The following GET1 variants were observed in gnomAD, a reference collection of about 807,000 sequenced individuals.
GET1 encodes the protein congenital heart disease 5 protein.
GET1 carries 20 observed loss-of-function variants against 22.6 expected under a neutral mutation model. The observed-to-expected ratio is 0.89, with a 90% CI of 0.62 to 1.29. The LOEUF (loss-of-function observed/expected upper bound fraction) is 1.29, where lower values mean the gene tolerates loss of function less well. Ranked by LOEUF, GET1 falls within the 50% of genes most tolerant of loss-of-function variation. GET1 has a pLI of 0.00. For synonymous variants in GET1, 92 were observed against 83.8 expected (o/e 1.10, Z -0.53); for missense variants, 209 against 219.9 (o/e 0.95, Z 0.31).
downstream of GET1, chr21:39,409,992 C>T: frequency 6.5e-7 from 1 of 1,541,340 alleles, no homozygotes; most frequent in Non-Finnish European, 8.9e-7. This position sits in a 1 kb window ranked among gnomAD's most constrained non-coding sequence, Gnocchi z 4.2. Context: ...CATATTTTCT[C>T]TTAGAATCCT....
intron 2 of GET1, chr21:39,391,559 T>A: frequency 2.0e-6 from 1 of 508,314 alleles, no homozygotes; most frequent in Non-Finnish European, 3.5e-6. Flanking sequence ...TATTCAAATC[T>A]CAATCTGAGT....
chr21:39,417,433 G>A (rs1055293589), intron 1 of GET1, among the ~76,000 whole-genome samples: 2 of 152,170 alleles, frequency 1.3e-5, no homozygotes, highest in Admixed American at 1.3e-4. Context: ...AGGTTCTAGA[G>A]CTGTCCCTTC....
At chr21:39,426,303 G>A (rs1024031355) in intron 1 of GET1, among the ~76,000 whole-genome samples, 1 of 152,128 alleles carries the variant, frequency 6.6e-6, no homozygotes, top group Non-Finnish European at 1.5e-5. Context: ...TACTCCAAGA[G>A]TAATCAGCTT....
intron 4 of GET1, among the ~76,000 whole-genome samples, chr21:39,404,750 CAAA>C (rs748914343): frequency 2.3e-5 from 2 of 88,160 alleles, no homozygotes; most frequent in Non-Finnish European, 2.0e-5. Context: ...GAGACACTGT[CAAA>C]AAAAAAAAAA....
chr21:39,420,068 G>A (rs548423799), intron 1 of GET1, among the ~76,000 whole-genome samples: 138 of 152,238 alleles, frequency 9.1e-4, no homozygotes, highest in Non-Finnish European at 1.7e-3. Flanking sequence ...TTAACGTGAT[G>A]AAATAGGAAT....
intron 1 of GET1, chr21:39,420,952 T>C (rs2042196017): frequency 1.3e-6 from 1 of 799,338 alleles, no homozygotes; most frequent in Non-Finnish European, 2.0e-6. Context: ...TTCAATACAA[T>C]TTTAGTGAAT....
At chr21:39,406,561 G>T in exon 5 of GET1, 1 of 1,608,392 alleles carries the variant, frequency 6.2e-7, no homozygotes, top group Non-Finnish European at 8.5e-7. Flanking sequence ...TTGTCTTCCA[G>T]TATTCTCCAG....
chr21:39,396,685 CAAAAAAAAAAAAA>C (rs5843962), intron 4 of GET1, among the ~76,000 whole-genome samples, 168 bp from the exon 5 acceptor site: 11 of 97,890 alleles, frequency 1.1e-4, no homozygotes, highest in African/African-American at 3.9e-4. Flanking sequence ...GACTCCGTCT[CAAAAAAAAAAAAA>C]AAAAAAGAAA....
chr21:39,388,700 G>A (rs966989192), intron 1 of GET1, among the ~76,000 whole-genome samples: 1 of 152,188 alleles, frequency 6.6e-6, no homozygotes, highest in African/African-American at 2.4e-5. Flanking sequence ...TGGTCTTGGG[G>A]CGCCCGCGCA....
chr21:39,426,741 A>G (rs896751764), intron 1 of GET1, among the ~76,000 whole-genome samples: 21 of 152,330 alleles, frequency 1.4e-4, no homozygotes, highest in African/African-American at 5.1e-4. Context: ...TCAAATGTGG[A>G]TAAGGAATTG....
rs7278819 is a variant in GET1 at position 39,428,094 on chromosome 21, C to G, written c.*24-138C>G. On this transcript the variant is annotated intron_variant, in intron 1 of 1. Transcript: ENST00000478273. ...GGAAAACAATAAAACTGAGTATGAA[C>G]CACTTCAAACACTAGTGCAGTAAAA... 899 of 785,776 alleles carry G rather than the reference C, an allele frequency of 1.1e-3. 9 individuals are homozygous for G. In the African/African-American group the frequency reaches 0.015, roughly 13 times the overall value. The allele number at this position is 785,776 out of a possible 1,614,324, so 48.7% of individuals were successfully genotyped here.
chr21:39,398,552 A>C (rs952118734), downstream of GET1, among the ~76,000 whole-genome samples: 2 of 151,992 alleles, frequency 1.3e-5, no homozygotes, highest in African/African-American at 2.4e-5. Flanking sequence ...ATGATTAAAT[A>C]GGGGAAATGT....
chr21:39,409,933 A>G, downstream of GET1: 1 of 1,138,888 alleles, frequency 8.8e-7, no homozygotes, highest in South Asian at 1.3e-5. The surrounding 1 kb of genome is among the most constrained non-coding windows in gnomAD (Gnocchi z 4.2). Context: ...GTAATTCACA[A>G]TTTTAAAGAA....
chr21:39,399,038 C>T (rs2038773941), downstream of GET1, among the ~76,000 whole-genome samples: 1 of 152,246 alleles, frequency 6.6e-6, no homozygotes. Flanking sequence ...CCGCGCCCGG[C>T]CTGCCATTTG....
downstream of GET1, among the ~76,000 whole-genome samples, chr21:39,398,587 T>C (rs1054040283): frequency 3.3e-5 from 5 of 151,958 alleles, no homozygotes; most frequent in Non-Finnish European, 1.5e-5. Context: ...TTTCACATTA[T>C]TGTGTTTTTT....
At chr21:39,389,227 C>T (rs1355090154) in intron 1 of GET1, among the ~76,000 whole-genome samples, 1 of 152,134 alleles carries the variant, frequency 6.6e-6, no homozygotes. Context: ...CTGCCTTGGC[C>T]TCCCAAAGTG....
chr21:39,404,830 TG>T (rs2038957158), intron 4 of GET1, among the ~76,000 whole-genome samples: 1 of 150,190 alleles, frequency 6.7e-6, no homozygotes, highest in East Asian at 2.0e-4. Flanking sequence ...CATACATATA[TG>T]TATTTTTTTT....
chr21:39,407,538 C>G (rs939406478), downstream of GET1, among the ~76,000 whole-genome samples: 5 of 151,844 alleles, frequency 3.3e-5, no homozygotes, highest in Non-Finnish European at 5.9e-5. Context: ...AATAAAACCT[C>G]CTAAACATCT....
downstream of GET1, chr21:39,410,455 GTAA>G: frequency 2.9e-6 from 2 of 683,120 alleles, no homozygotes; most frequent in East Asian, 2.8e-5. Flanking sequence ...TTTATGCAAT[GTAA>G]TAATAAAGTA....
Sources: allele counts gnomAD v4.1 joint callset (sites outside exome capture counted in the v4.1 genomes callset), GRCh38; gene constraint gnomAD v4.1.1; non-coding constraint Gnocchi (gnomAD v3.1); transcripts MANE v1.5; gene names NCBI Gene and HGNC (gene_info 2026-07-23, HGNC 2026-07-21).